Variants in BICC1 observed in about 807,000 individuals in gnomAD.
BICC1 encodes the protein BicC family RNA binding protein 1.
Under a neutral mutation model 111.0 loss-of-function variants are expected in BICC1, and 43 were observed. The ratio of observed to expected loss-of-function variants is 0.39; its 90% CI spans 0.30 to 0.50. BICC1 has a LOEUF of 0.50. Among genes scored for constraint, BICC1 ranks in the 20% least tolerant of loss-of-function variants. The pLI is 0.88. For missense variants in BICC1, 1,091 were observed against 1,203.2 expected, an observed-to-expected ratio of 0.91 and a Z score of 1.38; for synonymous variants, 467 against 434.4, an observed-to-expected ratio of 1.07 and a Z score of -0.93.
At chr10:58,533,515 G>C (rs1034954097) in intron 1 of BICC1, among the ~76,000 whole-genome samples, 1 of 151,578 alleles carries the variant, frequency 6.6e-6, no homozygotes, top group Admixed American at 6.6e-5. Flanking sequence ...TTCCATGAAA[G>C]TTTTGATGTC....
At chr10:58,733,023 T>TA (rs58357339) in intron 3 of BICC1, among the ~76,000 whole-genome samples, 148,449 of 149,442 alleles carry the variant, frequency 0.99, 73,733 homozygotes, top group East Asian at 1. Flanking sequence ...TAAATTTGTT[T>TA]AAAAAAAAAG....
At chr10:58,657,650 G>A (rs1284860642) in intron 2 of BICC1, among the ~76,000 whole-genome samples, 1 of 152,182 alleles carries the variant, frequency 6.6e-6, no homozygotes, top group African/African-American at 2.4e-5. Flanking sequence ...AATGTACAAA[G>A]GGGTATATAT....
At chr10:58,518,789 T>G (rs1842313737) in intron 1 of BICC1, among the ~76,000 whole-genome samples, 1 of 152,106 alleles carries the variant, frequency 6.6e-6, no homozygotes, top group South Asian at 2.1e-4. Context: ...TAACTTGGAT[T>G]GAGGAGGTCC....
At chr10:58,698,444 T>G (rs957954822) in intron 2 of BICC1, among the ~76,000 whole-genome samples, 1 of 152,124 alleles carries the variant, frequency 6.6e-6, no homozygotes, top group African/African-American at 2.4e-5. Context: ...CAACTTTTTC[T>G]CCTCCTTTAG....
chr10:58,785,721 T>C (rs2132790143), intron 4 of BICC1, among the ~76,000 whole-genome samples: 1 of 152,330 alleles, frequency 6.6e-6, no homozygotes, highest in South Asian at 2.1e-4. Flanking sequence ...CATTTTACAC[T>C]TATTAATTTG....
chr10:58,533,930 A>T (rs151294235), intron 1 of BICC1, among the ~76,000 whole-genome samples: 1 of 151,858 alleles, frequency 6.6e-6, no homozygotes, highest in Non-Finnish European at 1.5e-5. Context: ...CCTATCAGTA[A>T]TTACTTTAAA....
At chr10:58,686,125 G>A (rs1839716439) in intron 2 of BICC1, among the ~76,000 whole-genome samples, 1 of 152,130 alleles carries the variant, frequency 6.6e-6, no homozygotes, top group Non-Finnish European at 1.5e-5. Flanking sequence ...CACTTATGAA[G>A]CTTAGTTTGG....
At chr10:58,722,484 T>C (rs1840970083) in intron 3 of BICC1, among the ~76,000 whole-genome samples, 1 of 152,250 alleles carries the variant, frequency 6.6e-6, no homozygotes, top group Non-Finnish European at 1.5e-5. Flanking sequence ...TTTACAGTAT[T>C]CTCATCAATC....
intron 3 of BICC1, among the ~76,000 whole-genome samples, chr10:58,754,549 C>G (rs1842085305): frequency 6.6e-6 from 1 of 152,180 alleles, no homozygotes; most frequent in Admixed American, 6.5e-5. Flanking sequence ...CTTGCAGTTA[C>G]ATTCTGATTT....
intron 1 of BICC1, among the ~76,000 whole-genome samples, chr10:58,607,914 A>G (rs537698982): frequency 6.6e-6 from 1 of 152,292 alleles, no homozygotes; most frequent in African/African-American, 2.4e-5. Context: ...AGAACCCAGG[A>G]GCAATCTTGA....
At chr10:58,798,666 C>G (rs1270040730) in intron 11 of BICC1, 106 bp downstream of exon 11, 1 of 1,015,190 alleles carries the variant, frequency 9.9e-7, no homozygotes, top group African/African-American at 1.7e-5. Context: ...AATTAGGGTT[C>G]AAAGCATACT....
intron 1 of BICC1, among the ~76,000 whole-genome samples, chr10:58,532,015 A>G (rs1394803842): frequency 1.3e-5 from 2 of 151,930 alleles, no homozygotes; most frequent in Non-Finnish European, 1.5e-5. Flanking sequence ...TATTTTTCAA[A>G]CTACAATAGC....
At chr10:58,672,288 TTC>T (rs1437541891) in intron 2 of BICC1, among the ~76,000 whole-genome samples, 4 of 152,134 alleles carry the variant, frequency 2.6e-5, no homozygotes, top group African/African-American at 9.7e-5. Flanking sequence ...TTCTACTTTC[TTC>T]TCTCTCATTC....
intron 20 of BICC1, among the ~76,000 whole-genome samples, chr10:58,824,866 C>T (rs1470775968): frequency 6.6e-6 from 1 of 152,114 alleles, no homozygotes; most frequent in Non-Finnish European, 1.5e-5. Flanking sequence ...TGTGTACTTG[C>T]ATGAGTTTGT....
Position 58,719,208 on chromosome 10 carries a change from G to A in BICC1, c.307+17065G>A, listed in dbSNP as rs1490819110. ...GTGCAACTTCAGAGGTGCCAAAATA[G>A]CACCTTATATTAAAAAATATCTTGG... On this transcript the variant is annotated intron_variant, in intron 3 of 20. Coordinates refer to ENST00000373886, the MANE Select transcript of BICC1 (RefSeq NM_001080512.3). Among the ~76,000 whole-genome samples, 6 of 152,220 alleles carry A rather than the reference G, an allele frequency of 3.9e-5. No individual in the cohort carries two copies. The East Asian group carries it at 1.2e-3, about 29-fold the overall frequency.
At chr10:58,522,466 A>G (rs1355989253) in intron 1 of BICC1, among the ~76,000 whole-genome samples, 3 of 152,144 alleles carry the variant, frequency 2.0e-5, no homozygotes, top group African/African-American at 7.2e-5. Context: ...CTGGGTACAT[A>G]ATGAAATGAA....
At chr10:58,594,852 C>T (rs557881335) in intron 1 of BICC1, among the ~76,000 whole-genome samples, 3 of 152,170 alleles carry the variant, frequency 2.0e-5, no homozygotes, top group Non-Finnish European at 4.4e-5. Context: ...ATCATAATGA[C>T]AGGATCAAAT....
intron 1 of BICC1, among the ~76,000 whole-genome samples, chr10:58,594,770 CAT>C (rs1043025882): frequency 6.6e-5 from 10 of 152,170 alleles, no homozygotes; most frequent in African/African-American, 1.4e-4. Context: ...ACTGCAAAAA[CAT>C]ATGAAATTGT....
intron 20 of BICC1, among the ~76,000 whole-genome samples, chr10:58,825,090 T>C (rs953717232): frequency 3.3e-5 from 5 of 152,154 alleles, no homozygotes; most frequent in Non-Finnish European, 7.3e-5. Context: ...ATTCAAGTAT[T>C]TGTTGTTTGT....
Sources: gnomAD v4.1 joint callset for allele counts (sites outside exome capture counted in the v4.1 genomes callset) on GRCh38, gnomAD v4.1.1 for gene constraint, MANE v1.5 for transcripts, NCBI Gene and HGNC (gene_info 2026-07-23, HGNC 2026-07-21) for gene names.